PPP3CB: variants seen among roughly 807,000 people sequenced by gnomAD.
PPP3CB encodes the protein serine/threonine-protein phosphatase 2B catalytic subunit beta isoform.
PPP3CB carries 8 observed loss-of-function variants against 66.4 expected under a neutral mutation model. That is an observed-to-expected ratio of 0.12 (90% CI 0.07 to 0.22). The LOEUF is 0.22. Ranked by LOEUF, PPP3CB falls within the 10% of genes least tolerant of loss-of-function variation. The pLI, the probability that PPP3CB is intolerant of heterozygous loss-of-function variation, is 1.00. For missense variants in PPP3CB, 319 were observed against 642.5 expected, an observed-to-expected ratio of 0.50 and a Z score of 5.44; for synonymous variants, 208 against 221.2, an observed-to-expected ratio of 0.94 and a Z score of 0.53.
intron 1 of PPP3CB, among the ~76,000 whole-genome samples, chr10:73,493,950 A>C (rs149362165): frequency 2.6e-5 from 4 of 152,332 alleles, no homozygotes; most frequent in East Asian, 1.9e-4. Flanking sequence ...ATATATGACA[A>C]GGAATAAGAA....
At chr10:73,458,122 A>G (rs1272144049) in intron 9 of PPP3CB, among the ~76,000 whole-genome samples, 3 of 152,204 alleles carry the variant, frequency 2.0e-5, no homozygotes, top group African/African-American at 7.2e-5. Context: ...AAATTTATAT[A>G]GACAACAAAA....
intron 11 of PPP3CB, among the ~76,000 whole-genome samples, chr10:73,445,800 G>A (rs1271660574): frequency 6.7e-6 from 1 of 148,934 alleles, no homozygotes; most frequent in Non-Finnish European, 1.5e-5. Context: ...CCAGGCTGGA[G>A]TGCAGTGGCG....
At chr10:73,487,564 C>CAAAAAAAAAAAAAAAAAAA (rs746889105) in intron 1 of PPP3CB, among the ~76,000 whole-genome samples, 8 of 65,204 alleles carry the variant, frequency 1.2e-4, no homozygotes, top group Middle Eastern at 0.01. Flanking sequence ...AAACCAAAAC[C>CAAAAAAAAAAAAAAAAAAA]AAAAAAAAAA....
Position 73,454,393 on chromosome 10 carries a change from G to A in PPP3CB, c.1186+19C>T. The A allele has an allele frequency of 1.3e-6, 2 of 1,568,158 alleles. No individual in the cohort carries two copies. Among genetic ancestry groups the A allele is most frequent in the Non-Finnish European group, 1.7e-6 (2 of 1,144,918 alleles). On this transcript the variant is annotated intron_variant, in intron 10 of 13. Transcript: ENST00000360663. ...CCATTTCACAGTAAAAAAAAAAATA[G>A]TAAGATGAATAATCATACCATCAAA...
At chr10:73,439,013 T>C (rs970823401) in intron 13 of PPP3CB, among the ~76,000 whole-genome samples, 35 of 152,170 alleles carry the variant, frequency 2.3e-4, no homozygotes, top group African/African-American at 8.0e-4. Context: ...GTATGGCTGA[T>C]AGCAAAAAAG....
At chr10:73,473,134 C>T (rs2056729264) in intron 4 of PPP3CB, among the ~76,000 whole-genome samples, 1 of 152,194 alleles carries the variant, frequency 6.6e-6, no homozygotes, top group African/African-American at 2.4e-5. Context: ...GTCAAGCATG[C>T]ACTTTCCAGG....
At chr10:73,447,044 T>A (rs1000981520) in intron 10 of PPP3CB, among the ~76,000 whole-genome samples, 1 of 152,204 alleles carries the variant, frequency 6.6e-6, no homozygotes, top group Non-Finnish European at 1.5e-5. Context: ...GCTGACAATA[T>A]CCCATCAGAC....
chr10:73,444,088 C>A (rs1484201165), intron 12 of PPP3CB: 3 of 152,592 alleles, frequency 2.0e-5, no homozygotes, highest in African/African-American at 7.2e-5. Context: ...TTTAGGAAAG[C>A]AGCTACATCT....
chr10:73,481,090 A>T (rs919228892), intron 1 of PPP3CB, among the ~76,000 whole-genome samples: 3 of 152,028 alleles, frequency 2.0e-5, no homozygotes, highest in Non-Finnish European at 4.4e-5. Context: ...AGAAAGTGAG[A>T]GAGAAATGTA....
chr10:73,446,457 C>T (rs1339921837), intron 11 of PPP3CB, 35 bp downstream of exon 11: 1 of 1,580,614 alleles, frequency 6.3e-7, no homozygotes, highest in Non-Finnish European at 8.7e-7. Flanking sequence ...AACGTAATTT[C>T]TGCAAAACAA....
chr10:73,482,882 T>C (rs1317344679), intron 1 of PPP3CB, among the ~76,000 whole-genome samples: 2 of 152,122 alleles, frequency 1.3e-5, no homozygotes, highest in African/African-American at 4.8e-5. Flanking sequence ...CCTCCCTAAG[T>C]GTTGGGATTA....
chr10:73,443,402 T>C (rs1226183134), intron 12 of PPP3CB, among the ~76,000 whole-genome samples: 3 of 152,014 alleles, frequency 2.0e-5, no homozygotes, highest in African/African-American at 7.2e-5. Flanking sequence ...AATGAAATTG[T>C]GAAGTCAAAT....
At position 73,470,757 on chromosome 10, in the gene PPP3CB, T is replaced by C. The variant is rs2056689733; in HGVS notation, c.912A>G (p.Gln304=). ...DAGYRMYRKS[Q]TTGFPSLITI... is the part of the protein sequence containing the mutation. The stretch of plus-strand genomic sequence containing the variant: ...TTATTAATGAAGGGAACCCTGTAGT[T>C]TGACTTTTTCTGTACATTCTATAGC... Residue 304 remains glutamine (Q), a synonymous_variant, in exon 8 of 14, where the codon CAA becomes CAG. Transcript: ENST00000360663. 3.1e-6 allele frequency: 5 copies of C among 1,606,130 alleles called. No individual in the cohort carries two copies. Among genetic ancestry groups the C allele is most frequent in the Non-Finnish European group, 4.3e-6 (5 of 1,175,076 alleles).
At chr10:73,456,897 C>A (rs1186223422) in intron 9 of PPP3CB, among the ~76,000 whole-genome samples, 3 of 151,970 alleles carry the variant, frequency 2.0e-5, no homozygotes, top group African/African-American at 4.8e-5. Flanking sequence ...TACCATATGA[C>A]CTTATTTATA....
chr10:73,480,938 C>T (rs1188164927), intron 1 of PPP3CB, among the ~76,000 whole-genome samples: 1 of 152,030 alleles, frequency 6.6e-6, no homozygotes, highest in East Asian at 1.9e-4. Flanking sequence ...AGGTCATATA[C>T]CTAGGAAAAA....
intron 9 of PPP3CB, among the ~76,000 whole-genome samples, chr10:73,457,596 G>A (rs1406451534): frequency 6.6e-6 from 1 of 151,784 alleles, no homozygotes; most frequent in East Asian, 1.9e-4. Context: ...AAATTAGCCG[G>A]GCATGGTGGC....
intron 10 of PPP3CB, among the ~76,000 whole-genome samples, chr10:73,450,825 C>T (rs2056332503): frequency 6.6e-6 from 1 of 152,116 alleles, no homozygotes; most frequent in Non-Finnish European, 1.5e-5. Context: ...AGCTAGTGAA[C>T]GGTAGTGACA....
intron 8 of PPP3CB, among the ~76,000 whole-genome samples, chr10:73,468,372 C>G (rs1397388297): frequency 6.6e-6 from 1 of 152,048 alleles, no homozygotes; most frequent in East Asian, 1.9e-4. Context: ...TCTTAAATGA[C>G]CTACATAGAT....
intron 9 of PPP3CB, among the ~76,000 whole-genome samples, chr10:73,465,020 A>T (rs2056597260): frequency 6.6e-6 from 1 of 152,162 alleles, no homozygotes. Context: ...TTAGAAATAT[A>T]TTCTAAAGTA....
Sources: gnomAD v4.1 joint callset for allele counts (sites outside exome capture counted in the v4.1 genomes callset) on GRCh38, gnomAD v4.1.1 for gene constraint, MANE v1.5 for transcripts, NCBI Gene and HGNC (gene_info 2026-07-23, HGNC 2026-07-21) for gene names.